Variants in ARAP2 observed in about 807,000 individuals in gnomAD.
ARAP2 encodes arf-GAP with Rho-GAP domain, ANK repeat and PH domain-containing protein 2.
ARAP2 carries 148 observed loss-of-function variants against 194.5 expected under a neutral mutation model. The ratio of observed to expected loss-of-function variants is 0.76; its 90% confidence interval spans 0.67 to 0.87. The LOEUF is 0.87. Ranked by LOEUF, ARAP2 falls within the 40% of genes least tolerant of loss-of-function variation. The pLI is 0.00. For synonymous variants in ARAP2, 695 were observed against 683.5 expected (o/e 1.02, Z -0.26); for missense variants, 2,128 against 1,989.7 (o/e 1.07, Z -1.32).
At chr4:36,061,721 T>G (rs1421076113), downstream of ARAP2, among the ~76,000 whole-genome samples, 1 of 152,202 alleles carries the variant, frequency 6.6e-6, no homozygotes, top group East Asian at 1.9e-4. Flanking sequence ...CTACTTTTAG[T>G]TTCTTGAGGA....
At chr4:36,079,173 CAAAAAAAAAA>C (rs34229260) in intron 31 of ARAP2, among the ~76,000 whole-genome samples, 1 of 77,614 alleles carries the variant, frequency 1.3e-5, no homozygotes, top group Non-Finnish European at 2.3e-5. Context: ...GACTCTGTCT[CAAAAAAAAAA>C]AAAAAAAAAA....
Position 36,121,197 on chromosome 4 carries a change from A to C in ARAP2, c.3876T>G (p.Asn1292Lys), listed in dbSNP as rs754620007. The change falls in exon 23 of 33, where the codon AAT (asparagine) becomes AAG (lysine). Residue 1292 changes from asparagine (N) to lysine (K), a missense_variant. By Grantham distance (94) the Asn-to-Lys change is moderately conservative. Coordinates refer to ENST00000303965, the MANE Select transcript of ARAP2 (RefSeq NM_015230.4). ...EVNVIEDLIN[N>K]YVEIFEVKED... ...TAATTACCTCAAATATTTCTACATA[A>C]TTATTAATTAGGTCCTCAATTACAT... The C allele has an allele frequency of 6.3e-7, 1 of 1,595,386 alleles. No homozygotes were observed. Among genetic ancestry groups the C allele is most frequent in the Non-Finnish European group, 8.5e-7 (1 of 1,169,776 alleles).
chr4:36,085,448 A>G (rs1301164302), intron 28 of ARAP2, among the ~76,000 whole-genome samples: 1 of 152,104 alleles, frequency 6.6e-6, no homozygotes, highest in Non-Finnish European at 1.5e-5. Context: ...CAATTTATGG[A>G]GCAAACATCC....
chr4:36,209,387 T>C (rs1322576546), intron 6 of ARAP2: 1 of 454,340 alleles, frequency 2.2e-6, no homozygotes, highest in South Asian at 1.6e-5. Flanking sequence ...AGAAGTAATC[T>C]GCTTTGGTTT....
At chr4:36,122,606 G>C (rs778460051) in intron 22 of ARAP2, among the ~76,000 whole-genome samples, 15 of 151,730 alleles carry the variant, frequency 9.9e-5, no homozygotes, top group Non-Finnish European at 2.2e-4. Context: ...CCTAATGGAG[G>C]GTGAAGAGTG....
intron 20 of ARAP2, among the ~76,000 whole-genome samples, chr4:36,129,971 A>G (rs1016559123): frequency 1.3e-5 from 2 of 151,830 alleles, no homozygotes; most frequent in Admixed American, 1.3e-4. Flanking sequence ...CTCTGCCTCA[A>G]TATTTGGCAT....
At chr4:36,040,092 G>A (rs1720593249) in intron 5 of ARAP2, among the ~76,000 whole-genome samples, 2 of 152,166 alleles carry the variant, frequency 1.3e-5, no homozygotes, top group Admixed American at 6.5e-5. Flanking sequence ...CCCTGAATAA[G>A]TGAAGAATAA....
intron 28 of ARAP2, among the ~76,000 whole-genome samples, chr4:36,091,598 T>C (rs1713668623): frequency 6.6e-6 from 1 of 152,162 alleles, no homozygotes; most frequent in Admixed American, 6.6e-5. Context: ...ATTAATTTTA[T>C]TGACTGAGAT....
intron 7 of ARAP2, chr4:36,015,642 A>C (rs1715649650): frequency 6.6e-6 from 1 of 152,216 alleles, no homozygotes; most frequent in African/African-American, 2.4e-5. Context: ...TCTGCAAGGT[A>C]ATTCATGGAA....
At chr4:36,191,350 T>C (rs1741854695) in intron 7 of ARAP2, among the ~76,000 whole-genome samples, 1 of 152,054 alleles carries the variant, frequency 6.6e-6, no homozygotes, top group South Asian at 2.1e-4. Context: ...AAACAATTCC[T>C]TAAAAAATAA....
At chr4:36,143,272 T>C (rs993645164) in intron 19 of ARAP2, among the ~76,000 whole-genome samples, 18 of 151,730 alleles carry the variant, frequency 1.2e-4, no homozygotes, top group African/African-American at 4.1e-4. Context: ...AGGTAGGAAT[T>C]CTATGGACAC....
rs141485025 is a variant in ARAP2 at position 36,131,036 on chromosome 4, T to G, written c.3427+2190A>C. On this transcript the variant is annotated intron_variant, in intron 20 of 32. Transcript: ENST00000303965. ...CTATGAACTCAGTCAAGTTCAAACC[T>G]TGACACAATGACACAATGAGCACAG... is the stretch of plus-strand genomic sequence containing the variant. 1.1e-4 allele frequency among the ~76,000 whole-genome samples: 17 copies of G among 152,008 alleles called. No individual in the cohort carries two copies. The East Asian group carries it at 3.3e-3, about 30-fold the overall frequency.
At chr4:36,234,452 T>G (rs1345945948) in intron 1 of ARAP2, among the ~76,000 whole-genome samples, 1 of 152,158 alleles carries the variant, frequency 6.6e-6, no homozygotes, top group African/African-American at 2.4e-5. Flanking sequence ...GCAGTCAGGT[T>G]TCAACATACA....
chr4:36,243,383 CAAA>C (rs71201008), intron 1 of ARAP2, among the ~76,000 whole-genome samples: 25 of 85,098 alleles, frequency 2.9e-4, no homozygotes, highest in African/African-American at 1.1e-3. Flanking sequence ...GACAAGCTTG[CAAA>C]AAAAAAAAAA....
intron 32 of ARAP2, among the ~76,000 whole-genome samples, chr4:36,071,832 C>T (rs1727030849): frequency 2.6e-5 from 4 of 151,760 alleles, no homozygotes. Context: ...GTATATCTCC[C>T]AATGCTATCC....
chr4:36,130,517 C>G lies in ARAP2; in HGVS notation c.3428-1772G>C, dbSNP rs187995029. Among the ~76,000 whole-genome samples, 9 of 151,972 alleles carry G rather than the reference C, an allele frequency of 5.9e-5. No homozygotes were observed. In the East Asian group the frequency reaches 1.8e-3, roughly 30 times the overall value. On this transcript the variant is annotated intron_variant, in intron 20 of 32. Coordinates refer to ENST00000303965, the MANE Select transcript of ARAP2 (RefSeq NM_015230.4). ...AACTAGCTCCCATTTTCTCTTAGGG[C>G]TCATGGTAAGCACTGTGCTTTACCC...
rs1754197298 is a variant in ARAP2, at chr4:36,244,258, G to C, written c.-239C>G. On this transcript the variant is annotated 5_prime_UTR_variant, in exon 1 of 33. Transcript: ENST00000303965. ...CAGCGCCGGCGTCTCTCCCAGCCTT[G>C]GGCGCTCGGTCCTCGCCCCTCTGCC... is the stretch of plus-strand genomic sequence containing the variant. 4 of 151,954 alleles carry C rather than the reference G, an allele frequency of 2.6e-5. No homozygotes were observed. Among genetic ancestry groups the C allele is most frequent in the Admixed American group, 2.0e-4 (3 of 15,284 alleles). The allele number at this position is 151,954 out of a possible 1,614,324, so 9.4% of individuals were successfully genotyped here.
chr4:36,141,717 C>T (rs1341548285), intron 19 of ARAP2, among the ~76,000 whole-genome samples: 1 of 151,652 alleles, frequency 6.6e-6, no homozygotes, highest in Non-Finnish European at 1.5e-5. Context: ...GTATGATTTA[C>T]ATTTCTGGCT....
chr4:36,117,881 TAGA>T (rs749734029), intron 24 of ARAP2, among the ~76,000 whole-genome samples: 6 of 151,522 alleles, frequency 4.0e-5, no homozygotes, highest in Non-Finnish European at 5.9e-5. Flanking sequence ...ATTAACAGTA[TAGA>T]AGGTTAACAA....
Sources: allele counts gnomAD v4.1 joint callset (sites outside exome capture counted in the v4.1 genomes callset), GRCh38; gene constraint gnomAD v4.1.1; transcripts MANE v1.5; gene names NCBI Gene and HGNC (gene_info 2026-07-23, HGNC 2026-07-21).